Variants in ST6GAL2 observed in about 807,000 individuals in gnomAD.
The protein encoded by ST6GAL2 is ST6 beta-galactoside alpha-2,6-sialyltransferase 2.
A neutral mutation model predicts 37.5 loss-of-function variants in ST6GAL2; 24 were observed. That is an observed-to-expected ratio of 0.64 (90% CI 0.46 to 0.90). ST6GAL2 has a LOEUF of 0.90. Among genes scored for constraint, ST6GAL2 ranks in the 40% least tolerant of loss-of-function variants. The pLI, the probability that ST6GAL2 is intolerant of heterozygous loss-of-function variation, is 0.00. For missense variants in ST6GAL2, 715 were observed against 712.7 expected (o/e 1.00, Z -0.04); for synonymous variants, 306 against 295.1 (o/e 1.04, Z -0.38).
intron 1 of ST6GAL2, among the ~76,000 whole-genome samples, chr2:106,863,757 T>C (rs569472352): frequency 6.6e-6 from 1 of 152,158 alleles, no homozygotes; most frequent in Non-Finnish European, 1.5e-5. Context: ...CACAAGGTAA[T>C]TGTGGGGATC....
intron 5 of ST6GAL2, among the ~76,000 whole-genome samples, chr2:106,813,704 A>C (rs1429111923): frequency 6.6e-6 from 1 of 152,260 alleles, no homozygotes; most frequent in African/African-American, 2.4e-5. Flanking sequence ...CTTTCATTAA[A>C]TAGCAAAATG....
chr2:106,833,620 AT>A (rs1316410245), intron 3 of ST6GAL2, among the ~76,000 whole-genome samples: 1 of 152,094 alleles, frequency 6.6e-6, no homozygotes, highest in Non-Finnish European at 1.5e-5. Context: ...ATTCCTTTCC[AT>A]TTTTTCAAAT....
chr2:106,870,106 G>A (rs1558726286), intron 1 of ST6GAL2, among the ~76,000 whole-genome samples: 2 of 152,170 alleles, frequency 1.3e-5, no homozygotes, highest in Middle Eastern at 3.4e-3. Flanking sequence ...TGGGGGATGG[G>A]GGGCGCTACA....
chr2:106,866,975 GA>G (rs1389539401), intron 1 of ST6GAL2, among the ~76,000 whole-genome samples: 4 of 151,736 alleles, frequency 2.6e-5, no homozygotes, highest in African/African-American at 9.7e-5. Flanking sequence ...AACAATAACA[GA>G]AAAAAACATA....
intron 1 of ST6GAL2, among the ~76,000 whole-genome samples, chr2:106,879,961 A>G (rs957789884): frequency 6.7e-6 from 1 of 148,668 alleles, no homozygotes; most frequent in Non-Finnish European, 1.5e-5. Context: ...CATATAGACC[A>G]ATTACATACT....
rs759140364 is a variant in ST6GAL2, at chr2:106,843,145, C to T, written c.833G>A (p.Arg278His). Reference sequence around the variant, plus strand: ...GCTCAGGGGCACGGCGGGCACCAGGCGCCGCCAGCCCAGCGCAGAAAAGGG... The same window carrying T: ...GCTCAGGGGCACGGCGGGCACCAGGTGCCGCCAGCCCAGCGCAGAAAAGGG... ...EAPFSALGWR[R>H]LVPAVPLSQL... Residue 278 changes from arginine to histidine, a missense_variant, in exon 2 of 6, where the codon CGC becomes CAC. Arg to His is a conservative substitution (Grantham distance 29). Coordinates refer to ENST00000409382, the MANE Select transcript of ST6GAL2 (RefSeq NM_001142351.2). The T allele has an allele frequency of 4.8e-5, 75 of 1,559,834 alleles. No homozygotes were observed. Among genetic ancestry groups the T allele is most frequent in the Non-Finnish European group, 6.4e-5 (74 of 1,155,578 alleles).
intron 1 of ST6GAL2, among the ~76,000 whole-genome samples, chr2:106,877,795 T>TA (rs1678569129): frequency 6.6e-6 from 1 of 152,232 alleles, no homozygotes; most frequent in African/African-American, 2.4e-5. Context: ...TTCTGTTCCC[T>TA]ACAACCTCTC....
chr2:106,819,572 G>C (rs1025155846), intron 5 of ST6GAL2, among the ~76,000 whole-genome samples: 1 of 151,832 alleles, frequency 6.6e-6, no homozygotes, highest in Non-Finnish European at 1.5e-5. Flanking sequence ...AAAACTGAGC[G>C]ATTTCAACAA....
At chr2:106,842,736 G>T (rs1401399586) in intron 2 of ST6GAL2, among the ~76,000 whole-genome samples, 1 of 152,118 alleles carries the variant, frequency 6.6e-6, no homozygotes, top group Non-Finnish European at 1.5e-5. Flanking sequence ...AAAGGGCGGC[G>T]CTTTCCTTCC....
chr2:106,811,390 G>T (rs1313822339), intron 5 of ST6GAL2, among the ~76,000 whole-genome samples: 1 of 152,108 alleles, frequency 6.6e-6, no homozygotes, highest in Non-Finnish European at 1.5e-5. Context: ...AGTAGATACT[G>T]CAGGCAGACA....
At chr2:106,861,283 A>T (rs1677786079) in intron 1 of ST6GAL2, among the ~76,000 whole-genome samples, 1 of 152,190 alleles carries the variant, frequency 6.6e-6, no homozygotes, top group African/African-American at 2.4e-5. Context: ...ATCTCAGCCC[A>T]TCCTGGCCCT....
rs964026207 is a variant in ST6GAL2, at chr2:106,852,025, C to T, written c.-57-7991G>A. Among the ~76,000 whole-genome samples, 3 of 152,196 alleles carry T rather than the reference C, an allele frequency of 2.0e-5. No homozygotes were observed. In the East Asian group the frequency reaches 5.8e-4, roughly 29 times the overall value. On this transcript the variant is annotated intron_variant, in intron 1 of 5. Coordinates refer to ENST00000409382, the MANE Select transcript of ST6GAL2 (RefSeq NM_001142351.2). ...TTATCTCTTAACACCCTTATTGGCA[C>T]TTTTTACAAATGGGCCCTTCTCTTT...
intron 5 of ST6GAL2, among the ~76,000 whole-genome samples, chr2:106,823,683 G>C (rs1676097560): frequency 1.3e-5 from 2 of 152,112 alleles, no homozygotes; most frequent in Admixed American, 1.3e-4. Context: ...TTGGGCTGCT[G>C]TTCCAAAATG....
At chr2:106,856,411 C>T (rs534738483) in intron 1 of ST6GAL2, among the ~76,000 whole-genome samples, 1 of 152,308 alleles carries the variant, frequency 6.6e-6, no homozygotes, top group South Asian at 2.1e-4. Flanking sequence ...CAAACTGTCC[C>T]TCAAATGGGT....
At chr2:106,839,058 A>C in intron 2 of ST6GAL2, among the ~76,000 whole-genome samples, 1 of 151,480 alleles carries the variant, frequency 6.6e-6, no homozygotes, top group Non-Finnish European at 1.5e-5. Context: ...AAACAAACAA[A>C]CAAAAAAAAC....
chr2:106,852,071 G>A (rs1417922229), intron 1 of ST6GAL2, among the ~76,000 whole-genome samples: 1 of 152,180 alleles, frequency 6.6e-6, no homozygotes, highest in Non-Finnish European at 1.5e-5. Context: ...TGGTAAATGT[G>A]AGAAAGTCTC....
intron 1 of ST6GAL2, among the ~76,000 whole-genome samples, chr2:106,868,491 T>C (rs1678127093): frequency 6.6e-6 from 1 of 152,170 alleles, no homozygotes; most frequent in South Asian, 2.1e-4. Context: ...AAATAAACTC[T>C]TCATAGGTCA....
At chr2:106,844,079 T>G in intron 1 of ST6GAL2, 45 bp from the exon 2 acceptor site, 5 of 913,578 alleles carry the variant, frequency 5.5e-6, no homozygotes, top group Non-Finnish European at 8.2e-6. Flanking sequence ...GGGCATCTGC[T>G]CAGATGCTGC....
chr2:106,834,256 A>C, intron 2 of ST6GAL2, 110 bp from the exon 3 acceptor site: 1 of 712,816 alleles, frequency 1.4e-6, no homozygotes, highest in Non-Finnish European at 2.5e-6. Flanking sequence ...ATACATCACC[A>C]ATAAAGTTAA....
Sources: allele counts gnomAD v4.1 joint callset (sites outside exome capture counted in the v4.1 genomes callset), GRCh38; gene constraint gnomAD v4.1.1; transcripts MANE v1.5; gene names NCBI Gene and HGNC (gene_info 2026-07-23, HGNC 2026-07-21).